Variants in SLC35F3 observed in about 807,000 individuals in gnomAD.
The protein encoded by SLC35F3 is putative thiamine transporter SLC35F3.
In SLC35F3, 25 loss-of-function variants were observed where a neutral mutation model predicts 49.9. The ratio of observed to expected loss-of-function variants is 0.50; its 90% CI spans 0.37 to 0.70. The LOEUF (loss-of-function observed/expected upper bound fraction) is 0.70, where lower values mean the gene tolerates loss of function less well. Among genes scored for constraint, SLC35F3 ranks in the 30% least tolerant of loss-of-function variants. The pLI is 0.00. For missense variants in SLC35F3, 525 were observed against 639.8 expected, an observed-to-expected ratio of 0.82 and a Z score of 1.94; for synonymous variants, 275 against 265.4, an observed-to-expected ratio of 1.04 and a Z score of -0.35.
At chr1:233,930,753 T>A (rs888831432) in intron 2 of SLC35F3, among the ~76,000 whole-genome samples, 3 of 152,220 alleles carry the variant, frequency 2.0e-5, no homozygotes, top group African/African-American at 7.2e-5. Context: ...TACAATAAAT[T>A]AAGCTGTAGA....
chr1:234,115,742 C>T (rs550256473), intron 2 of SLC35F3, among the ~76,000 whole-genome samples: 1 of 152,122 alleles, frequency 6.6e-6, no homozygotes, highest in Non-Finnish European at 1.5e-5. Flanking sequence ...TTTCCTTCAC[C>T]TCGAAATATC....
intron 2 of SLC35F3, among the ~76,000 whole-genome samples, chr1:233,910,543 C>T (rs1661857624): frequency 6.6e-6 from 1 of 152,156 alleles, no homozygotes; most frequent in Admixed American, 6.5e-5. Flanking sequence ...CCAGGTGTGC[C>T]TTCGTCTAGA....
intron 2 of SLC35F3, among the ~76,000 whole-genome samples, chr1:233,996,770 C>T (rs115501651): frequency 0.013 from 2,039 of 152,254 alleles, 38 homozygotes; most frequent in African/African-American, 0.046. Flanking sequence ...TGCACTCTCT[C>T]ATTCGATACT....
At chr1:234,105,974 A>G (rs191416124) in intron 2 of SLC35F3, among the ~76,000 whole-genome samples, 78 of 152,300 alleles carry the variant, frequency 5.1e-4, no homozygotes, top group African/African-American at 1.6e-3. Flanking sequence ...ATTATTCCGG[A>G]TGTCAGAGCA....
intron 7 of SLC35F3, among the ~76,000 whole-genome samples, chr1:234,321,383 C>T (rs1483370329): frequency 6.6e-6 from 1 of 152,196 alleles, no homozygotes; most frequent in African/African-American, 2.4e-5. Flanking sequence ...CTTGCTACTT[C>T]GGTTGATGTG....
chr1:234,267,032 G>C (rs1194647488), intron 3 of SLC35F3, among the ~76,000 whole-genome samples: 3 of 140,500 alleles, frequency 2.1e-5, no homozygotes, highest in Non-Finnish European at 4.6e-5. Flanking sequence ...GCGGCCTTCC[G>C]CAGTGTTTGT....
intron 2 of SLC35F3, among the ~76,000 whole-genome samples, chr1:233,926,177 C>A (rs1024827323): frequency 6.6e-6 from 1 of 152,000 alleles, no homozygotes; most frequent in Non-Finnish European, 1.5e-5. Context: ...TGAATGTTGG[C>A]CTGCCTTGCT....
intron 2 of SLC35F3, among the ~76,000 whole-genome samples, chr1:234,116,984 A>G (rs550800492): frequency 1.3e-5 from 2 of 152,278 alleles, no homozygotes; most frequent in Admixed American, 6.5e-5. Flanking sequence ...CTTATGGAGG[A>G]TGGTCTTTAA....
intron 2 of SLC35F3, among the ~76,000 whole-genome samples, chr1:234,075,180 A>G (rs1372313548): frequency 6.6e-6 from 1 of 152,254 alleles, no homozygotes; most frequent in Non-Finnish European, 1.5e-5. Flanking sequence ...GTTCCATGTT[A>G]GAACAAAGGA....
At chr1:234,141,663 C>T (rs1665915453) in intron 2 of SLC35F3, among the ~76,000 whole-genome samples, 2 of 152,220 alleles carry the variant, frequency 1.3e-5, no homozygotes, top group Non-Finnish European at 2.9e-5. Context: ...CTGGTCTACT[C>T]AGCCCACCAT....
intron 2 of SLC35F3, among the ~76,000 whole-genome samples, chr1:233,948,449 A>G (rs1017493094): frequency 3.9e-5 from 6 of 152,160 alleles, no homozygotes; most frequent in Admixed American, 2.6e-4. Flanking sequence ...CGAAGGGTTC[A>G]AGTGGGTACC....
At chr1:234,040,548 T>C (rs1664204820) in intron 2 of SLC35F3, among the ~76,000 whole-genome samples, 1 of 152,146 alleles carries the variant, frequency 6.6e-6, no homozygotes, top group Non-Finnish European at 1.5e-5. Flanking sequence ...GAAAGTGTGG[T>C]AGACCCACAC....
At chr1:234,238,086 T>C (rs1341284270) in intron 3 of SLC35F3, among the ~76,000 whole-genome samples, 1 of 152,220 alleles carries the variant, frequency 6.6e-6, no homozygotes, top group Non-Finnish European at 1.5e-5. Flanking sequence ...TTTTTGTTGT[T>C]TGTTTGTGTG....
intron 7 of SLC35F3, among the ~76,000 whole-genome samples, chr1:234,321,741 G>C (rs966175839): frequency 6.6e-6 from 1 of 152,192 alleles, no homozygotes; most frequent in African/African-American, 2.4e-5. Context: ...GATTGGAAGA[G>C]AGAAGCCGGG....
At chr1:234,253,927 A>T (rs1667778486) in intron 3 of SLC35F3, among the ~76,000 whole-genome samples, 2 of 152,174 alleles carry the variant, frequency 1.3e-5, no homozygotes, top group African/African-American at 4.8e-5. Flanking sequence ...CTAGCTGGTG[A>T]CAGACAGAAA....
chr1:234,105,581 A>G (rs2102884393), intron 2 of SLC35F3, among the ~76,000 whole-genome samples: 1 of 152,236 alleles, frequency 6.6e-6, no homozygotes, highest in Non-Finnish European at 1.5e-5. Context: ...CCATGTCTGC[A>G]CCTCTTGCAA....
At chr1:234,253,276 A>G (rs1667765873) in intron 3 of SLC35F3, among the ~76,000 whole-genome samples, 1 of 152,080 alleles carries the variant, frequency 6.6e-6, no homozygotes, top group Admixed American at 6.5e-5. Context: ...CAGTAAGCCA[A>G]AATGGCGCCA....
intron 2 of SLC35F3, among the ~76,000 whole-genome samples, chr1:234,211,563 C>A (rs1667047207): frequency 6.6e-6 from 1 of 152,226 alleles, no homozygotes; most frequent in African/African-American, 2.4e-5. Flanking sequence ...CATTTCAAAG[C>A]TTTAAGATTC....
rs753316921 is a variant in SLC35F3, at chr1:234,318,931, G to A, written c.1135G>A (p.Val379Ile). 4 of 1,613,902 alleles carry A rather than the reference G, an allele frequency of 2.5e-6. No individual in the cohort carries two copies. The South Asian group carries it at 4.4e-5, about 18-fold the overall frequency. ...IPWGNLCGFS[V>I]LLLTFNIVLN... ...ATGGGGAAACCTTTGTGGATTTTCA[G>A]TTCTTTTATTGAGTAAGTGCTAATC... Residue 379 changes from valine to isoleucine, a missense_variant, in exon 6 of 8, where the codon GTT becomes ATT. Val to Ile is a conservative substitution (Grantham distance 29). This residue lies in a region of SLC35F3 where 216 missense variants were observed against 298.1 expected (regional missense o/e 0.72). Transcript: ENST00000366618.
Sources: allele counts gnomAD v4.1 joint callset (sites outside exome capture counted in the v4.1 genomes callset), GRCh38; gene constraint gnomAD v4.1.1; regional missense constraint gnomAD v4.1.1; transcripts MANE v1.5; gene names NCBI Gene and HGNC (gene_info 2026-07-23, HGNC 2026-07-21).